The following APBB2 variants were observed in gnomAD, a reference collection of about 807,000 sequenced individuals.
The protein encoded by APBB2 is amyloid beta precursor protein binding family B member 2.
Under a neutral mutation model 82.5 loss-of-function variants are expected in APBB2, and 38 were observed. The ratio of observed to expected loss-of-function variants is 0.46; its 90% confidence interval spans 0.36 to 0.60. The LOEUF (loss-of-function observed/expected upper bound fraction) is 0.60. APBB2 is among the 20% of genes least tolerant of loss of function. The pLI, the probability that APBB2 is intolerant of heterozygous loss-of-function variation, is 0.00. For missense variants in APBB2, 772 were observed against 972.3 expected (o/e 0.79, Z 2.74); for synonymous variants, 341 against 368.2 (o/e 0.93, Z 0.85).
chr4:40,980,379 C>T (rs1160090868), intron 6 of APBB2, among the ~76,000 whole-genome samples: 1 of 152,184 alleles, frequency 6.6e-6, no homozygotes, highest in Non-Finnish European at 1.5e-5. Context: ...AAGGATTCCC[C>T]ATCTCCTCAT....
intron 12 of APBB2, among the ~76,000 whole-genome samples, chr4:40,863,080 G>A (rs992126509): frequency 1.3e-5 from 2 of 152,182 alleles, no homozygotes; most frequent in South Asian, 2.1e-4. Flanking sequence ...GACACTGGAG[G>A]ATGGGATGCT....
chr4:40,934,769 G>A (rs772661271), intron 8 of APBB2, 70 bp from the exon 9 acceptor site: 2 of 1,129,112 alleles, frequency 1.8e-6, no homozygotes, highest in Non-Finnish European at 2.7e-6. Flanking sequence ...AATATCAAAG[G>A]GGAGAAACGT....
intron 10 of APBB2, among the ~76,000 whole-genome samples, chr4:40,901,250 C>T (rs1775194680): frequency 6.6e-6 from 1 of 152,216 alleles, no homozygotes; most frequent in African/African-American, 2.4e-5. Flanking sequence ...GATTAAGAAT[C>T]TTGCAAAGGG....
chr4:41,141,974 C>T lies in APBB2; in HGVS notation c.-261+1013G>A, dbSNP rs529479784. 2.7e-4 allele frequency among the ~76,000 whole-genome samples: 41 copies of T among 152,264 alleles called. No individual in the cohort carries two copies. In the South Asian group the frequency reaches 5.0e-3, roughly 18 times the overall value. ...CACAGCCAAACCATATCACTGGCCA[C>T]GCTTATGTTACATGCCCATAACTGA... is the stretch of plus-strand genomic sequence containing the variant. On this transcript the variant is annotated intron_variant, in intron 2 of 17. Transcript: ENST00000508593.
At position 41,049,355 on chromosome 4, in the gene APBB2, G is replaced by A. The variant is rs1319611746; in HGVS notation, c.-50-16051C>T. 7.3e-5 allele frequency among the ~76,000 whole-genome samples: 6 copies of A among 81,706 alleles called. 1 individual carries two copies. Among genetic ancestry groups the A allele is most frequent in the African/African-American group, 3.0e-4 (6 of 20,166 alleles). 53.6% of individuals were successfully genotyped at this position (81,706 alleles called of 152,430 possible). A position where few individuals can be genotyped will look rare whatever the true frequency, so the allele number is the denominator to read the frequency against. ...TGAGGAGCGTCTCCGACCGGCAGCC[G>A]CCCCGTCCGGGAGGTGGGGGGTCAG... On this transcript the variant is annotated intron_variant, in intron 4 of 17. Transcript: ENST00000508593.
chr4:40,852,024 T>C (rs574254411), intron 12 of APBB2, among the ~76,000 whole-genome samples: 54 of 152,258 alleles, frequency 3.5e-4, no homozygotes, highest in African/African-American at 1.3e-3. Flanking sequence ...AGAGTATCAA[T>C]TGTTGGAACT....
At chr4:40,896,546 A>C (rs1020115982) in intron 10 of APBB2, among the ~76,000 whole-genome samples, 2 of 152,152 alleles carry the variant, frequency 1.3e-5, no homozygotes, top group Non-Finnish European at 2.9e-5. Flanking sequence ...AAAATAATAT[A>C]AGTAGTGAAC....
chr4:41,206,660 T>C (rs1002228095), intron 1 of APBB2, among the ~76,000 whole-genome samples: 1 of 152,202 alleles, frequency 6.6e-6, no homozygotes, highest in South Asian at 2.1e-4. Flanking sequence ...ATTTGCAATG[T>C]GGTATATGAT....
Position 41,202,890 on chromosome 4 carries a change from C to T in APBB2, c.-417+11515G>A, listed in dbSNP as rs149343083. On this transcript the variant is annotated intron_variant, in intron 1 of 17. Transcript: ENST00000508593. ...ATGTAGGCAAACGTTCAAACCTTCA[C>T]AAATGTTCGTATAAAAATCATTTAA... Among the ~76,000 whole-genome samples, 125 of 152,282 alleles carry T rather than the reference C, an allele frequency of 8.2e-4. 1 individual carries two copies. Among genetic ancestry groups the T allele is most frequent in the African/African-American group, 2.9e-3 (122 of 41,566 alleles).
At chr4:40,848,887 GTCATT>G (rs1758459161) in intron 12 of APBB2, 10 of 985,140 alleles carry the variant, frequency 1.0e-5, no homozygotes, top group African/African-American at 1.7e-5. Flanking sequence ...GGATCCCCCA[GTCATT>G]GTCAACATTC....
chr4:41,208,167 T>C (rs6839505), intron 1 of APBB2, among the ~76,000 whole-genome samples: 20,301 of 152,226 alleles, frequency 0.13, 2,188 homozygotes, highest in African/African-American at 0.29. Flanking sequence ...TCTTCAACAA[T>C]GGCATTTCCC....
chr4:41,011,176 A>T (rs145667700), intron 6 of APBB2, among the ~76,000 whole-genome samples: 2,078 of 151,174 alleles, frequency 0.014, 46 homozygotes, highest in African/African-American at 0.045. Context: ...AATTTAATTT[A>T]ATTTTATTTT....
intron 6 of APBB2, among the ~76,000 whole-genome samples, chr4:40,958,154 G>C (rs916206393): frequency 6.6e-6 from 1 of 152,048 alleles, no homozygotes; most frequent in Non-Finnish European, 1.5e-5. Context: ...ATATGACCTG[G>C]TTATAGAATA....
At position 40,815,124 on chromosome 4, in the gene APBB2, A is replaced by C. The variant is rs1012505410; in HGVS notation, c.*968T>G. 2.0e-5 allele frequency: 3 copies of C among 152,610 alleles called. No individual in the cohort carries two copies. Among genetic ancestry groups the C allele is most frequent in the African/African-American group, 7.2e-5 (3 of 41,430 alleles). 9.5% of individuals were successfully genotyped at this position (152,610 alleles called of 1,614,324 possible). A position where few individuals can be genotyped will look rare whatever the true frequency, so the allele number is the denominator to read the frequency against. On this transcript the variant is annotated 3_prime_UTR_variant, in exon 18 of 18. Transcript: ENST00000508593. The stretch of plus-strand genomic sequence containing the variant: ...AAAATCACACGGTGGTAGAAATCTA[A>C]AATAATCGTGCATGATAGAAATATC...
At chr4:40,928,361 G>A (rs988122944) in intron 10 of APBB2, among the ~76,000 whole-genome samples, 1 of 149,458 alleles carries the variant, frequency 6.7e-6, no homozygotes, top group African/African-American at 2.5e-5. Flanking sequence ...TGACCAACAT[G>A]ATGAAACAAC....
intron 6 of APBB2, among the ~76,000 whole-genome samples, chr4:40,982,091 G>A (rs1415157654): frequency 4.0e-5 from 6 of 150,734 alleles, no homozygotes; most frequent in African/African-American, 1.2e-4. Context: ...AGGCTGAGGC[G>A]TAAAAATCGC....
At chr4:40,966,221 CAT>C (rs970183703) in intron 6 of APBB2, among the ~76,000 whole-genome samples, 3 of 152,214 alleles carry the variant, frequency 2.0e-5, no homozygotes, top group East Asian at 1.9e-4. Context: ...CTCTCTGTCA[CAT>C]GTGTACTATT....
chr4:41,149,477 G>A (rs924163524), intron 1 of APBB2, among the ~76,000 whole-genome samples: 11 of 151,890 alleles, frequency 7.2e-5, no homozygotes, highest in African/African-American at 2.7e-4. Flanking sequence ...GCTGAGGAAA[G>A]GGGGGAGAAA....
intron 10 of APBB2, among the ~76,000 whole-genome samples, chr4:40,921,453 G>A (rs1781246412): frequency 1.3e-5 from 2 of 152,152 alleles, no homozygotes; most frequent in South Asian, 2.1e-4. Context: ...ACCAGCACAC[G>A]GCTGGACCTG....
Sources: gnomAD v4.1 joint callset for allele counts (sites outside exome capture counted in the v4.1 genomes callset) on GRCh38, gnomAD v4.1.1 for gene constraint, MANE v1.5 for transcripts, NCBI Gene and HGNC (gene_info 2026-07-23, HGNC 2026-07-21) for gene names.